The following PFKFB2 variants were observed in gnomAD, a reference collection of about 807,000 sequenced individuals.
PFKFB2 encodes the protein 6-phosphofructo-2-kinase/fructose-2,6-bisphosphatase 2.
In PFKFB2, 53 loss-of-function variants were observed where a neutral mutation model predicts 68.0. The ratio of observed to expected loss-of-function variants is 0.78; its 90% CI spans 0.63 to 0.98. The LOEUF (loss-of-function observed/expected upper bound fraction) is 0.98, where lower values mean the gene tolerates loss of function less well. Among genes scored for constraint, PFKFB2 ranks in the 50% least tolerant of loss-of-function variants. The pLI, the probability that PFKFB2 is intolerant of heterozygous loss-of-function variation, is 0.00. For synonymous variants in PFKFB2, 222 were observed against 227.6 expected, an observed-to-expected ratio of 0.98 and a Z score of 0.22; for missense variants, 451 against 642.0, an observed-to-expected ratio of 0.70 and a Z score of 3.22.
chr1:207,046,682 CACTT>C (rs1245552074), intron 2 of PFKFB2: 3 of 152,074 alleles, frequency 2.0e-5, no homozygotes, highest in East Asian at 1.9e-4. Flanking sequence ...AAATACTTGA[CACTT>C]AATATGTAAA....
upstream of PFKFB2, chr1:207,050,598 A>G (rs2102328602): frequency 1.9e-6 from 3 of 1,560,962 alleles, no homozygotes; most frequent in Non-Finnish European, 2.6e-6. Flanking sequence ...GCCGACTCAC[A>G]GCCACCTTGC....
At chr1:207,069,643 T>C in intron 11 of PFKFB2, 115 bp downstream of exon 11, 1 of 663,436 alleles carries the variant, frequency 1.5e-6, no homozygotes, top group South Asian at 1.9e-5. Context: ...TTATCTTCCT[T>C]CCCTTGGGTC....
downstream of PFKFB2, chr1:207,080,016 C>T (rs911232891): frequency 6.6e-6 from 1 of 152,210 alleles, no homozygotes; most frequent in African/African-American, 2.4e-5. Flanking sequence ...ATTGTGGTCA[C>T]TGATCTCTCA....
rs1001542942 is a variant in PFKFB2, at chr1:207,076,041, G to C, written c.*3670G>C. 2.0e-6 allele frequency: 2 copies of C among 984,110 alleles called. No homozygotes were observed. Among genetic ancestry groups the C allele is most frequent in the Non-Finnish European group, 2.4e-6 (2 of 829,236 alleles). The allele number at this position is 984,110 out of a possible 1,614,324, so 61.0% of individuals were successfully genotyped here. A position where few individuals can be genotyped will look rare whatever the true frequency, so the allele number is the denominator to read the frequency against. On this transcript the variant is annotated 3_prime_UTR_variant, in exon 15 of 15. Transcript: ENST00000367080. ...CCTATATCTTTGCCTCTGGTGTTTCGTTGTTGTTGTTATTGTTTGTTTGTT... is the reference window on the plus strand; with the variant it reads ...CCTATATCTTTGCCTCTGGTGTTTCCTTGTTGTTGTTATTGTTTGTTTGTT...
chr1:207,075,480 G>A lies in PFKFB2; in HGVS notation c.*3109G>A. 4 of 985,336 alleles carry A rather than the reference G, an allele frequency of 4.1e-6. No homozygotes were observed. Among genetic ancestry groups the A allele is most frequent in the Non-Finnish European group, 4.8e-6 (4 of 829,904 alleles). The allele number at this position is 985,336 out of a possible 1,614,324, so 61.0% of individuals were successfully genotyped here. On this transcript the variant is annotated 3_prime_UTR_variant, in exon 15 of 15. Transcript: ENST00000367080. ...TCTACTTCTCATCTTTTCTCTCCTG[G>A]TCTTACTTGAATGCATGTTGGTAAT...
intron 2 of PFKFB2, among the ~76,000 whole-genome samples, chr1:207,055,305 G>T (rs1164598662): frequency 6.6e-6 from 1 of 152,142 alleles, no homozygotes; most frequent in African/African-American, 2.4e-5. Flanking sequence ...AGTGTCTTGG[G>T]CATCTTACTT....
At chr1:207,057,318 A>C (rs1291404212) in intron 2 of PFKFB2, among the ~76,000 whole-genome samples, 3 of 148,604 alleles carry the variant, frequency 2.0e-5, no homozygotes, top group African/African-American at 7.4e-5. Flanking sequence ...AAAAAAAAAA[A>C]AAAAAAAAAA....
intron 1 of PFKFB2, among the ~76,000 whole-genome samples, chr1:207,036,298 A>G (rs2842738): frequency 0.11 from 17,106 of 152,190 alleles, 3,139 homozygotes; most frequent in African/African-American, 0.38. Context: ...GAAATGTCAC[A>G]TTTAATGGTT....
At chr1:207,038,848 C>T (rs1243381429) in intron 1 of PFKFB2, among the ~76,000 whole-genome samples, 1 of 152,026 alleles carries the variant, frequency 6.6e-6, no homozygotes, top group Non-Finnish European at 1.5e-5. Context: ...TTTTTTCTTT[C>T]CCTCCAAATT....
At chr1:207,046,941 A>C (rs1471950287) in intron 2 of PFKFB2, 1 of 151,988 alleles carries the variant, frequency 6.6e-6, no homozygotes, top group Non-Finnish European at 1.5e-5. Context: ...GCAAATGTCA[A>C]CTCTGTGTCC....
upstream of PFKFB2, among the ~76,000 whole-genome samples, chr1:207,050,100 A>G (rs1442229845): frequency 6.6e-6 from 1 of 152,188 alleles, no homozygotes; most frequent in Non-Finnish European, 1.5e-5. Flanking sequence ...TATCTACTCT[A>G]GAGTGTTTAC....
downstream of PFKFB2, among the ~76,000 whole-genome samples, chr1:207,078,720 C>T (rs1402310805): frequency 6.6e-6 from 1 of 152,160 alleles, no homozygotes; most frequent in East Asian, 1.9e-4. Flanking sequence ...GAAAGGAGTG[C>T]CTGGTCCAAT....
chr1:207,052,038 C>T (rs1682765643), upstream of PFKFB2: 1 of 671,946 alleles, frequency 1.5e-6, no homozygotes, highest in Non-Finnish European at 2.6e-6. Flanking sequence ...ATTTATATCT[C>T]TCTTTTCCAA....
In PFKFB2 at chr1:207,065,119, C is replaced by T. The variant is rs1414818437; in HGVS notation, c.591C>T (p.Tyr197=). Residue 197 remains tyrosine, a synonymous_variant, in exon 8 of 15, where the codon TAC becomes TAT. Transcript: ENST00000367080. ...MEDFLKRIEC[Y]KVTYRPLDPD... ...ACTTCCTGAAGAGAATTGAATGCTA[C>T]AAAGTTACCTACCGACCTCTTGACC... 6.2e-7 allele frequency: 1 copy of T among 1,613,864 alleles called. No homozygotes were observed. Among genetic ancestry groups the T allele is most frequent in the Non-Finnish European group, 8.5e-7 (1 of 1,179,964 alleles).
Position 207,073,643 on chromosome 1 carries a change from C to G in PFKFB2, c.*1272C>G. ...AAGAGAAACTATCTCATCTTGATGTCCAGAGAAGTCCTTGGAACCCTGTGG... is the reference window on the plus strand; with the variant it reads ...AAGAGAAACTATCTCATCTTGATGTGCAGAGAAGTCCTTGGAACCCTGTGG... On this transcript the variant is annotated 3_prime_UTR_variant, in exon 15 of 15. Coordinates refer to ENST00000367080, the MANE Select transcript of PFKFB2 (RefSeq NM_006212.2). 4 of 982,806 alleles carry G rather than the reference C, an allele frequency of 4.1e-6. No homozygotes were observed. The highest frequency in any genetic ancestry group is 4.8e-6 in the Non-Finnish European group (4 of 827,602). The allele number at this position is 982,806 out of a possible 1,614,324, so 60.9% of individuals were successfully genotyped here.
At chr1:207,072,105 G>C (rs561609289) in intron 14 of PFKFB2, 99 bp from the exon 15 acceptor site, 14 of 1,539,176 alleles carry the variant, frequency 9.1e-6, no homozygotes, top group Middle Eastern at 1.8e-4. Flanking sequence ...AGGAGCAGGA[G>C]TGAGGGAAGC....
intron 2 of PFKFB2, 58 bp downstream of exon 2, chr1:207,054,860 A>T: frequency 8.1e-7 from 1 of 1,227,350 alleles, no homozygotes; most frequent in South Asian, 1.3e-5. Flanking sequence ...TTGGGAATAT[A>T]GTTATAATCC....
In PFKFB2 at chr1:207,074,541, G is replaced by A. The variant is rs1211980182; in HGVS notation, c.*2170G>A. On this transcript the variant is annotated 3_prime_UTR_variant, in exon 15 of 15. Transcript: ENST00000367080. ...ACTCCTGACCCCGGGTCCTTTACTCGTATGTCCCAAGTAGGATACCATAGG... is the reference window on the plus strand; with the variant it reads ...ACTCCTGACCCCGGGTCCTTTACTCATATGTCCCAAGTAGGATACCATAGG... 8 of 985,210 alleles carry A rather than the reference G, an allele frequency of 8.1e-6. No individual in the cohort carries two copies. Among genetic ancestry groups the A allele is most frequent in the African/African-American group, 7.0e-5 (4 of 57,186 alleles). 61.0% of individuals were successfully genotyped at this position (985,210 alleles called of 1,614,324 possible). A position where few individuals can be genotyped will look rare whatever the true frequency, so the allele number is the denominator to read the frequency against.
intron 2 of PFKFB2, among the ~76,000 whole-genome samples, chr1:207,059,117 G>C (rs1297945065): frequency 6.6e-6 from 1 of 152,188 alleles, no homozygotes; most frequent in African/African-American, 2.4e-5. Flanking sequence ...CTGGACAGAG[G>C]CGAGAGGTGC....
Sources: allele counts gnomAD v4.1 joint callset (sites outside exome capture counted in the v4.1 genomes callset), GRCh38; gene constraint gnomAD v4.1.1; transcripts MANE v1.5; gene names NCBI Gene and HGNC (gene_info 2026-07-23, HGNC 2026-07-21).